HAPLN3: variants seen among roughly 807,000 people sequenced by gnomAD.
The protein encoded by HAPLN3 is extracellular link domain containing, 1.
HAPLN3 carries 28 observed loss-of-function variants against 28.1 expected under a neutral mutation model. That is an observed-to-expected ratio of 1.00 (90% CI 0.74 to 1.37). The LOEUF is 1.37. HAPLN3 is among the 40% of genes most tolerant of loss of function. The pLI is 0.00. For missense variants in HAPLN3, 513 were observed against 504.6 expected, an observed-to-expected ratio of 1.02 and a Z score of -0.16; for synonymous variants, 211 against 213.1, an observed-to-expected ratio of 0.99 and a Z score of 0.09.
chr15:88,893,986 C>T (rs1898089700), intron 1 of HAPLN3, among the ~76,000 whole-genome samples: 4 of 149,378 alleles, frequency 2.7e-5, no homozygotes, highest in Non-Finnish European at 4.4e-5. Flanking sequence ...AAACAGAAAA[C>T]ACTCTCGTGA....
Position 88,881,277 on chromosome 15 carries a change from C to G in HAPLN3, c.493+80G>C, listed in dbSNP as rs1238158223. ...TAAGTACTTTTAAATGTCTAAAGCA[C>G]AGAGGTCTGGATGTTTTCTCTGGTC... On this transcript the variant is annotated intron_variant, in intron 3 of 4. Transcript: ENST00000359595. This position sits in a 1 kb window ranked among gnomAD's most constrained non-coding sequence, Gnocchi z 6.0. 7 of 1,487,214 alleles carry G rather than the reference C, an allele frequency of 4.7e-6. No individual in the cohort carries two copies. The highest frequency in any genetic ancestry group is 6.3e-6 in the Non-Finnish European group (7 of 1,108,316). The allele number at this position is 1,487,214 out of a possible 1,614,324, so 92.1% of individuals were successfully genotyped here. A position where few individuals can be genotyped will look rare whatever the true frequency, so the allele number is the denominator to read the frequency against.
At chr15:88,893,187 G>GGGGT in intron 1 of HAPLN3, 1 of 683,622 alleles carries the variant, frequency 1.5e-6, no homozygotes, top group Non-Finnish European at 2.7e-6. Flanking sequence ...GGAAGCTGAG[G>GGGGT]GGGTGGATCA....
At position 88,895,215 on chromosome 15, in the gene HAPLN3, G is replaced by T. The variant is rs1392848140; in HGVS notation, c.-48+244C>A. 6.6e-6 allele frequency among the ~76,000 whole-genome samples: 1 copy of T among 152,178 alleles called. No homozygotes were observed. The highest frequency in any genetic ancestry group is 1.5e-5 in the Non-Finnish European group (1 of 68,014). ...TCCGCTCGGGCTCTGCTCCCTCACG[G>T]TGGGCACGAGGGTCCGGCGCCCGCA... On this transcript the variant is annotated intron_variant, in intron 1 of 4. Transcript: ENST00000359595. This position sits in a 1 kb window ranked among gnomAD's most constrained non-coding sequence, Gnocchi z 5.5.
intron 2 of HAPLN3, among the ~76,000 whole-genome samples, chr15:88,884,850 G>A (rs1469960084): frequency 6.6e-6 from 1 of 152,164 alleles, no homozygotes; most frequent in Non-Finnish European, 1.5e-5. Flanking sequence ...GGCAGAGCCT[G>A]CAGTGAGGCA....
Position 88,879,272 on chromosome 15 carries a change from G to T in HAPLN3, c.494-3C>A, listed in dbSNP as rs1352230282. On this transcript the variant is annotated splice_region_variant and splice_polypyrimidine_tract_variant and intron_variant, in intron 3 of 4. Transcript: ENST00000359595. The surrounding 1 kb of genome is among the most constrained non-coding windows in gnomAD (Gnocchi z 5.0). ...GGACTGGTAAGGAAAGACCACACCTGCAGGGGAAGGAAAGAGGAGCTTAGG... is the reference window on the plus strand; with the variant it reads ...GGACTGGTAAGGAAAGACCACACCTTCAGGGGAAGGAAAGAGGAGCTTAGG... The T allele has an allele frequency of 3.1e-6, 5 of 1,605,608 alleles. No individual in the cohort carries two copies. The African/African-American group carries it at 5.3e-5, about 17-fold the overall frequency.
At position 88,878,002 on chromosome 15, in the gene HAPLN3, A is replaced by G; in HGVS notation, c.1051T>C (p.Leu351=). 1 of 1,613,322 alleles carries G rather than the reference A, an allele frequency of 6.2e-7. No individual in the cohort carries two copies. The highest frequency in any genetic ancestry group is 1.1e-5 in the South Asian group (1 of 90,982). The part of the protein sequence containing the change: ...SFGFPDPQSR[L]YGVYCYRQH ...TGGCGGTAGCAGTAAACACCGTACA[A>G]GCGGCTCTGCGGGTCGGGGAAGCCA... is the stretch of plus-strand genomic sequence containing the variant. The change falls in exon 5 of 5, where the codon TTG becomes CTG. Residue 351 remains leucine (L), a synonymous_variant. Transcript: ENST00000359595.
chr15:88,894,863 C>A (rs1320152946), intron 1 of HAPLN3, among the ~76,000 whole-genome samples: 1 of 152,236 alleles, frequency 6.6e-6, no homozygotes, highest in Non-Finnish European at 1.5e-5. Context: ...CCCTCCCTAC[C>A]CTTCTGGCCT....
intron 2 of HAPLN3, among the ~76,000 whole-genome samples, chr15:88,882,166 C>G (rs1267853416): frequency 6.6e-6 from 1 of 152,208 alleles, no homozygotes; most frequent in Non-Finnish European, 1.5e-5. Context: ...CAACCAGCCC[C>G]CAGCTGACCT....
rs1897579109 is a variant in HAPLN3 at position 88,878,044 on chromosome 15, G to C, written c.1009C>G (p.Pro337Ala). The C allele has an allele frequency of 8.7e-6, 14 of 1,614,060 alleles. No homozygotes were observed. The highest frequency in any genetic ancestry group is 1.2e-5 in the Non-Finnish European group (14 of 1,180,016). ...HPHPNCGPPEPGVRSFGFPDP... is the reference protein window; with the variant it reads ...HPHPNCGPPEAGVRSFGFPDP... ...GGGAAGCCAAAGCTTCGGACCCCAG[G>C]CTCTGGGGGCCCACAGTTAGGATGC... Residue 337 changes from proline to alanine, a missense_variant, in exon 5 of 5, where the codon CCT (proline) becomes GCT (alanine). By Grantham distance (27) the Pro-to-Ala change is conservative. Transcript: ENST00000359595.
At chr15:88,890,607 C>T (rs942794142) in intron 1 of HAPLN3, among the ~76,000 whole-genome samples, 1 of 152,192 alleles carries the variant, frequency 6.6e-6, no homozygotes, top group Non-Finnish European at 1.5e-5. Context: ...CAGCCTCCCT[C>T]GCAGCTAGGA....
rs1897639705 is a variant in HAPLN3, at chr15:88,879,560, C to T, written c.494-291G>A. On this transcript the variant is annotated intron_variant, in intron 3 of 4. Transcript: ENST00000359595. The surrounding 1 kb of genome is among the most constrained non-coding windows in gnomAD (Gnocchi z 5.0). ...CTAATCCGCAAGGCTGTCGCCAGACCCCCAGTGAGGCTGTGCCATCTTCTC... is the reference window on the plus strand; with the variant it reads ...CTAATCCGCAAGGCTGTCGCCAGACTCCCAGTGAGGCTGTGCCATCTTCTC... 2.1e-5 allele frequency: 30 copies of T among 1,397,976 alleles called. No individual in the cohort carries two copies. The highest frequency in any genetic ancestry group is 2.8e-5 in the Non-Finnish European group (30 of 1,058,184). The allele number at this position is 1,397,976 out of a possible 1,614,324, so 86.6% of individuals were successfully genotyped here.
rs1897613295 is a variant in HAPLN3, at chr15:88,878,981, G to A, written c.782C>T (p.Ala261Val). Residue 261 changes from alanine to valine, a missense_variant, in exon 4 of 5, where the codon GCT (alanine) becomes GTT (valine). Ala to Val is a moderately conservative substitution (Grantham distance 64). Coordinates refer to ENST00000359595, the MANE Select transcript of HAPLN3 (RefSeq NM_178232.4). ...RLHRYDVFCF[A>V]TALKGRVYYL... is the part of the protein sequence containing the mutation. ...ATTCCACTCACCCTTGAGGGCAGTA[G>A]CGAAGCAGAATACATCATAGCGGTG... The A allele has an allele frequency of 2.5e-6, 4 of 1,609,800 alleles. No individual in the cohort carries two copies. The highest frequency in any genetic ancestry group is 1.7e-6 in the Non-Finnish European group (2 of 1,178,728).
At chr15:88,892,925 C>A in intron 1 of HAPLN3, 1 of 1,530,564 alleles carries the variant, frequency 6.5e-7, no homozygotes. Context: ...AGGACCACCA[C>A]AGAGGTGCCA....
Position 88,880,631 on chromosome 15 carries a change from T to C in HAPLN3, c.493+726A>G, listed in dbSNP as rs1241091457. 2.7e-5 allele frequency: 35 copies of C among 1,286,400 alleles called. No homozygotes were observed. The highest frequency in any genetic ancestry group is 3.3e-5 in the Non-Finnish European group (33 of 986,754). The allele number at this position is 1,286,400 out of a possible 1,614,324, so 79.7% of individuals were successfully genotyped here. A position where few individuals can be genotyped will look rare whatever the true frequency, so the allele number is the denominator to read the frequency against. ...CCATCCTAGAGACAGAGAAGGTAAA[T>C]ACAAATTAAAGATCAAACAGGGACC... On this transcript the variant is annotated intron_variant, in intron 3 of 4. Coordinates refer to ENST00000359595, the MANE Select transcript of HAPLN3 (RefSeq NM_178232.4). The surrounding 1 kb of genome is among the most constrained non-coding windows in gnomAD (Gnocchi z 6.0).
chr15:88,879,749 C>A lies in HAPLN3; in HGVS notation c.494-480G>T. On this transcript the variant is annotated intron_variant, in intron 3 of 4. Coordinates refer to ENST00000359595, the MANE Select transcript of HAPLN3 (RefSeq NM_178232.4). The surrounding 1 kb of genome is among the most constrained non-coding windows in gnomAD (Gnocchi z 5.0). ...GATGATTTTCAGGAGAAGGAGAGGC[C>A]CTAGAGGCCGTGGGGAGAGGGTTGG... 1 of 1,167,788 alleles carries A rather than the reference C, an allele frequency of 8.6e-7. No homozygotes were observed. The highest frequency in any genetic ancestry group is 1.1e-6 in the Non-Finnish European group (1 of 931,888). 72.3% of individuals were successfully genotyped at this position (1,167,788 alleles called of 1,614,324 possible).
intron 2 of HAPLN3, among the ~76,000 whole-genome samples, chr15:88,882,865 G>C (rs2141661523): frequency 6.6e-6 from 1 of 152,262 alleles, no homozygotes; most frequent in African/African-American, 2.4e-5. Flanking sequence ...AACTAGCTGA[G>C]TATGGTGGTA....
intron 2 of HAPLN3, among the ~76,000 whole-genome samples, chr15:88,886,885 TG>T (rs1008467126): frequency 2.6e-5 from 4 of 152,122 alleles, no homozygotes; most frequent in African/African-American, 7.2e-5. Flanking sequence ...CCCTTTCCAC[TG>T]GGGGGACCAG....
intron 2 of HAPLN3, among the ~76,000 whole-genome samples, chr15:88,882,988 G>C (rs12595450): frequency 0.25 from 37,881 of 152,032 alleles, 5,721 homozygotes; most frequent in African/African-American, 0.42. Context: ...CTGGGTGAGA[G>C]AGCAAGACTC....
chr15:88,884,744 C>CCT, intron 2 of HAPLN3, among the ~76,000 whole-genome samples: 1 of 151,980 alleles, frequency 6.6e-6, no homozygotes, highest in East Asian at 1.9e-4. Flanking sequence ...CCTGAATTTC[C>CCT]CAGGTGGGCC....
Sources: allele counts gnomAD v4.1 joint callset (sites outside exome capture counted in the v4.1 genomes callset), GRCh38; gene constraint gnomAD v4.1.1; non-coding constraint Gnocchi (gnomAD v3.1); transcripts MANE v1.5; gene names NCBI Gene and HGNC (gene_info 2026-07-23, HGNC 2026-07-21).